The following NIN variants were observed in gnomAD, a reference collection of about 807,000 sequenced individuals.
NIN encodes ninein.
NIN carries 137 observed loss-of-function variants against 257.6 expected under a neutral mutation model. The ratio of observed to expected loss-of-function variants is 0.53; its 90% confidence interval spans 0.46 to 0.61. The LOEUF is 0.61. Among genes scored for constraint, NIN ranks in the 20% least tolerant of loss-of-function variants. The pLI is 0.00. For synonymous variants in NIN, 918 were observed against 919.8 expected, an observed-to-expected ratio of 1.00 and a Z score of 0.04; for missense variants, 2,439 against 2,501.2, an observed-to-expected ratio of 0.98 and a Z score of 0.53.
chr14:50,760,411 AAAGTG>A (rs1274938042), intron 16 of NIN, 52 bp from the exon 17 acceptor site: 1 of 1,327,906 alleles, frequency 7.5e-7, no homozygotes, highest in East Asian at 2.4e-5. Flanking sequence ...AAGGTCACTG[AAAGTG>A]AAGTGATGGA....
chr14:50,737,707 T>A (rs2041063221), intron 27 of NIN, among the ~76,000 whole-genome samples: 1 of 150,808 alleles, frequency 6.6e-6, no homozygotes, highest in Admixed American at 6.6e-5. Context: ...GTACACTGTG[T>A]GATCTTAGCT....
Position 50,748,136 on chromosome 14 carries a change from G to GACA in NIN, c.4951-34_4951-32dup, listed in dbSNP as rs762367310. ...AGAAAAATGAAAAAGTCAAATAACA[G>GACA]ACATACATATTTAGGCTGGGGAAAC... On this transcript the variant is annotated intron_variant, in intron 21 of 30. Transcript: ENST00000530997. 4.1e-6 allele frequency: 6 copies of GACA among 1,446,064 alleles called. No individual in the cohort carries two copies. In the South Asian group the frequency reaches 6.9e-5, roughly 17 times the overall value. The allele number at this position is 1,446,064 out of a possible 1,614,324, so 89.6% of individuals were successfully genotyped here.
chr14:50,817,890 A>G (rs1019889923), intron 3 of NIN, among the ~76,000 whole-genome samples: 1 of 151,510 alleles, frequency 6.6e-6, no homozygotes, highest in Admixed American at 6.6e-5. Flanking sequence ...AATTTTTTGT[A>G]TTTTTAGCAG....
chr14:50,823,070 T>C, intron 2 of NIN: 1 of 411,050 alleles, frequency 2.4e-6, no homozygotes, highest in Non-Finnish European at 4.8e-6. Context: ...AGTAAAAACT[T>C]GGAGACGTCA....
At chr14:50,763,692 A>T in intron 15 of NIN, 134 bp downstream of exon 15, 1 of 719,848 alleles carries the variant, frequency 1.4e-6, no homozygotes, top group Non-Finnish European at 2.2e-6. Context: ...AAACAGCTCA[A>T]GAAAAGAGTA....
chr14:50,766,648 A>C, intron 13 of NIN, 132 bp downstream of exon 13: 1 of 678,204 alleles, frequency 1.5e-6, no homozygotes, highest in Non-Finnish European at 2.6e-6. Context: ...ATATCCCTAC[A>C]AAAGTTAGAG....
At chr14:50,731,937 G>T (rs762165415) in intron 28 of NIN, among the ~76,000 whole-genome samples, 1 of 152,192 alleles carries the variant, frequency 6.6e-6, no homozygotes, top group Admixed American at 6.5e-5. Flanking sequence ...CCATTTTGTT[G>T]TTTAAGTGTC....
intron 25 of NIN, 48 bp downstream of exon 25, chr14:50,741,534 T>C: frequency 6.4e-7 from 1 of 1,554,634 alleles, no homozygotes; most frequent in Non-Finnish European, 8.8e-7. Flanking sequence ...AAGATTTGTA[T>C]ACTTTACTGT....
In NIN at chr14:50,763,894, C is replaced by T; in HGVS notation, c.1706G>A (p.Arg569Lys). Residue 569 changes from arginine (R) to lysine (K), a missense_variant, in exon 15 of 31, where the codon AGG becomes AAG. Arg to Lys is a conservative substitution (Grantham distance 26). Around this residue, in one of 3 missense-constraint regions of NIN, gnomAD observed 2,043 missense variants for 2,050.2 expected, o/e 1.00. Transcript: ENST00000530997. Reference sequence around the variant, plus strand: ...TGACGGTGAGTTCTTCAACGGAAGCCTGAGCACTCTGCCTTGTGCACGATA... The same window carrying T: ...TGACGGTGAGTTCTTCAACGGAAGCTTGAGCACTCTGCCTTGTGCACGATA... ...EEYRAQGRVLRLPLKNSPSEE... is the reference protein window; with the variant it reads ...EEYRAQGRVLKLPLKNSPSEE... 1 of 1,614,018 alleles carries T rather than the reference C, an allele frequency of 6.2e-7. No individual in the cohort carries two copies. Among genetic ancestry groups the T allele is most frequent in the Non-Finnish European group, 8.5e-7 (1 of 1,179,906 alleles).
chr14:50,775,276 A>G (rs920802704), intron 7 of NIN, among the ~76,000 whole-genome samples: 1 of 152,146 alleles, frequency 6.6e-6, no homozygotes, highest in Non-Finnish European at 1.5e-5. Context: ...GCTTGGGGCC[A>G]GATTCGGCAT....
intron 5 of NIN, among the ~76,000 whole-genome samples, chr14:50,780,730 A>G (rs1417885843): frequency 1.3e-5 from 2 of 152,250 alleles, no homozygotes; most frequent in Non-Finnish European, 2.9e-5. Context: ...TGACAAATGG[A>G]AGACACCAAA....
In NIN at chr14:50,757,628, T is replaced by TA. The variant is rs752828204; in HGVS notation, c.3401_3402insT (p.Gln1134HisfsTer13). 5.0e-6 allele frequency: 8 copies of TA among 1,614,168 alleles called. No homozygotes were observed. The Admixed American group carries it at 1.2e-4, about 24-fold the overall frequency. On this transcript the variant is annotated frameshift_variant, in exon 18 of 31. Transcript: ENST00000530997. LOFTEE classifies it high-confidence loss of function. ...CATGCCGCCTGGTCACACCTTCTACTTGCTTCGTTCGGTTTTGCTGTAAAA... is the reference window on the plus strand; with the variant it reads ...CATGCCGCCTGGTCACACCTTCTACTATGCTTCGTTCGGTTTTGCTGTAAAA...
intron 25 of NIN, among the ~76,000 whole-genome samples, chr14:50,740,785 A>G (rs1190406480): frequency 6.6e-6 from 1 of 152,238 alleles, no homozygotes; most frequent in African/African-American, 2.4e-5. Context: ...CCCAGCCCAA[A>G]ACAACTAGTT....
At chr14:50,778,695 A>C in intron 6 of NIN, 70 bp downstream of exon 6, 1 of 1,365,918 alleles carries the variant, frequency 7.3e-7, no homozygotes, top group Non-Finnish European at 1.0e-6. Context: ...AAGAGATCAG[A>C]AAGACCGGGT....
Position 50,770,373 on chromosome 14 carries a change from T to C in NIN, c.1434+15A>G. 8 of 1,613,218 alleles carry C rather than the reference T, an allele frequency of 5.0e-6. No homozygotes were observed. Among genetic ancestry groups the C allele is most frequent in the Non-Finnish European group, 6.8e-6 (8 of 1,179,494 alleles). On this transcript the variant is annotated intron_variant, in intron 12 of 30. Coordinates refer to ENST00000530997, the MANE Select transcript of NIN (RefSeq NM_020921.4). ...CCGGCAGGGACGCAGACCACAGAAC[T>C]AATAAGATGATTACCTTTAAAGAGA...
At position 50,766,805 on chromosome 14, in the gene NIN, T is replaced by C. The variant is rs1026717336; in HGVS notation, c.1520A>G (p.Asn507Ser). ...YENLTNKLQRNLENVLAEKFG... is the reference protein window; with the variant it reads ...YENLTNKLQRSLENVLAEKFG... ...CTTTTCTGCTAACACATTTTCCAAATTTCTCTGAAGTTTGTTTGTCAGATT... is the reference window on the plus strand; with the variant it reads ...CTTTTCTGCTAACACATTTTCCAAACTTCTCTGAAGTTTGTTTGTCAGATT... The change falls in exon 13 of 31, where the codon AAT becomes AGT. Residue 507 changes from asparagine (N) to serine (S), a missense_variant. Physicochemically the swap from Asn to Ser is conservative, Grantham distance 46 (BLOSUM62 1). This residue lies in a region of NIN where 2,043 missense variants were observed against 2,050.2 expected (regional missense o/e 1.00). Transcript: ENST00000530997. 6.2e-7 allele frequency: 1 copy of C among 1,613,592 alleles called. No individual in the cohort carries two copies. Among genetic ancestry groups the C allele is most frequent in the Non-Finnish European group, 8.5e-7 (1 of 1,179,538 alleles).
chr14:50,780,597 A>G (rs987152891), intron 5 of NIN, among the ~76,000 whole-genome samples: 2 of 152,172 alleles, frequency 1.3e-5, no homozygotes, highest in African/African-American at 4.8e-5. Flanking sequence ...CTCACCTCTT[A>G]AATGAGGGCC....
intron 18 of NIN, 97 bp from the exon 19 acceptor site, chr14:50,754,964 G>T: frequency 1.3e-6 from 1 of 771,036 alleles, no homozygotes; most frequent in Non-Finnish European, 2.1e-6. Flanking sequence ...AGTATTCAAT[G>T]CCAGTTAAAA....
intron 5 of NIN, among the ~76,000 whole-genome samples, chr14:50,785,367 T>C (rs1200203281): frequency 6.6e-6 from 1 of 152,258 alleles, no homozygotes; most frequent in Non-Finnish European, 1.5e-5. Context: ...CCCCGCAGAA[T>C]GTACGGCTAA....
Sources: gnomAD v4.1 joint callset for allele counts (sites outside exome capture counted in the v4.1 genomes callset) on GRCh38, gnomAD v4.1.1 for gene constraint, gnomAD v4.1.1 regional missense constraint, MANE v1.5 for transcripts, NCBI Gene and HGNC (gene_info 2026-07-23, HGNC 2026-07-21) for gene names.